The following COLGALT2 variants were observed in gnomAD, a reference collection of about 807,000 sequenced individuals.
COLGALT2 encodes procollagen galactosyltransferase 2.
A neutral mutation model predicts 73.4 loss-of-function variants in COLGALT2; 49 were observed. The observed-to-expected ratio is 0.67, with a 90% CI of 0.53 to 0.85. The LOEUF is 0.85. Ranked by LOEUF, COLGALT2 falls within the 40% of genes least tolerant of loss-of-function variation. COLGALT2 has a pLI of 0.00. For missense variants in COLGALT2, 722 were observed against 790.2 expected (o/e 0.91, Z 1.03); for synonymous variants, 295 against 307.6 (o/e 0.96, Z 0.43).
At chr1:183,939,197 C>A (rs1417794571) in intron 11 of COLGALT2, among the ~76,000 whole-genome samples, 160 bp from the exon 12 acceptor site, 1 of 152,308 alleles carries the variant, frequency 6.6e-6, no homozygotes, top group East Asian at 1.9e-4. Flanking sequence ...ACAAATATTT[C>A]TTTAAAAGCT....
chr1:184,023,621 C>A (rs898310398), intron 1 of COLGALT2, among the ~76,000 whole-genome samples: 1 of 116,054 alleles, frequency 8.6e-6, no homozygotes, highest in Non-Finnish European at 1.7e-5. Flanking sequence ...GCTGTTTTTG[C>A]TTTTTCCAAA....
rs999871223 is a variant in COLGALT2, at chr1:183,995,499, G to A, written c.264-16979C>T. Reference sequence around the variant, plus strand: ...GGGAGAGGAACAGGAGAAATCCCTAGGCAGCTTCCAGAGAGTTCTTCAAGC... The same window carrying A: ...GGGAGAGGAACAGGAGAAATCCCTAAGCAGCTTCCAGAGAGTTCTTCAAGC... On this transcript the variant is annotated intron_variant, in intron 1 of 11. Transcript: ENST00000361927. 2.0e-5 allele frequency among the ~76,000 whole-genome samples: 3 copies of A among 152,230 alleles called. No homozygotes were observed. In the East Asian group the frequency reaches 5.8e-4, roughly 29 times the overall value.
At chr1:183,973,585 T>C (rs770682932) in intron 4 of COLGALT2, 31 bp downstream of exon 4, 2 of 1,613,078 alleles carry the variant, frequency 1.2e-6, no homozygotes, top group South Asian at 2.2e-5. Context: ...TTAAAACTAG[T>C]AGCCTTAATT....
chr1:183,948,307 T>C (rs150256994), intron 8 of COLGALT2, among the ~76,000 whole-genome samples: 1 of 152,268 alleles, frequency 6.6e-6, no homozygotes, highest in African/African-American at 2.4e-5. Context: ...CTTATTAATA[T>C]AGATGTGGAA....
chr1:184,011,575 C>T (rs191615607), intron 1 of COLGALT2, among the ~76,000 whole-genome samples: 45 of 152,360 alleles, frequency 3.0e-4, no homozygotes, highest in Non-Finnish European at 5.9e-4. Flanking sequence ...GCAAACCCGG[C>T]TTCCTTGTTC....
chr1:183,943,903 CTAAG>C (rs779513419), intron 10 of COLGALT2, among the ~76,000 whole-genome samples: 9 of 152,320 alleles, frequency 5.9e-5, no homozygotes, highest in South Asian at 2.1e-4. Context: ...TGCTGTGCTC[CTAAG>C]TAAGTGCTCA....
Position 183,986,904 on chromosome 1 carries a change from A to C in COLGALT2, c.264-8384T>G, listed in dbSNP as rs898270042. 2.4e-4 allele frequency among the ~76,000 whole-genome samples: 37 copies of C among 151,896 alleles called. 1 individual carries two copies. Among genetic ancestry groups the C allele is most frequent in the Admixed American group, 1.3e-4 (2 of 15,240 alleles). On this transcript the variant is annotated intron_variant, in intron 1 of 11. Coordinates refer to ENST00000361927, the MANE Select transcript of COLGALT2 (RefSeq NM_015101.4). ...TCCATCCCTCAACACCCACCCTCCC[A>C]CTCCAGGCTCCCCACCACACCTGTC...
chr1:183,964,388 A>C, intron 5 of COLGALT2: 1 of 295,642 alleles, frequency 3.4e-6, no homozygotes, highest in East Asian at 5.5e-5. Flanking sequence ...AGGAAATAAC[A>C]AGAAAATGAG....
At chr1:183,990,355 C>G (rs1029874232) in intron 1 of COLGALT2, among the ~76,000 whole-genome samples, 16 of 152,212 alleles carry the variant, frequency 1.1e-4, no homozygotes, top group African/African-American at 3.6e-4. Flanking sequence ...AACACCTGTA[C>G]AGTTCCCTCA....
chr1:184,022,862 G>A (rs962610933), intron 1 of COLGALT2, among the ~76,000 whole-genome samples: 1 of 152,192 alleles, frequency 6.6e-6, no homozygotes, highest in Non-Finnish European at 1.5e-5. Context: ...GAGCCCTAGT[G>A]TTACCAATGC....
intron 6 of COLGALT2, among the ~76,000 whole-genome samples, chr1:183,957,493 T>C (rs1175139881): frequency 6.6e-6 from 1 of 152,244 alleles, no homozygotes; most frequent in African/African-American, 2.4e-5. Flanking sequence ...GATCAAATCC[T>C]ACCGCTTCTT....
chr1:183,930,245 T>C (rs1200849098), exon 12 of COLGALT2: 1 of 456,100 alleles, frequency 2.2e-6, no homozygotes, highest in South Asian at 1.5e-5. Flanking sequence ...TTGGCAGTCA[T>C]CAGAAAGTGT....
At chr1:184,024,946 G>A (rs1649288827) in intron 1 of COLGALT2, among the ~76,000 whole-genome samples, 2 of 152,234 alleles carry the variant, frequency 1.3e-5, no homozygotes, top group African/African-American at 4.8e-5. Flanking sequence ...GGGCTTGGAG[G>A]TTCCATGCTT....
chr1:184,025,914 G>T (rs1317569527), intron 1 of COLGALT2, among the ~76,000 whole-genome samples: 1 of 152,210 alleles, frequency 6.6e-6, no homozygotes. Context: ...GTTAGGTCAG[G>T]AAAGGACTCA....
At chr1:184,036,707 C>T (rs1649690413) in intron 1 of COLGALT2, among the ~76,000 whole-genome samples, 1 of 152,234 alleles carries the variant, frequency 6.6e-6, no homozygotes, top group African/African-American at 2.4e-5. Context: ...CCTATCCCCT[C>T]ACGTCAGGGC....
At chr1:183,976,319 T>G (rs901464729) in intron 2 of COLGALT2, among the ~76,000 whole-genome samples, 2 of 146,670 alleles carry the variant, frequency 1.4e-5, no homozygotes, top group Admixed American at 1.4e-4. Flanking sequence ...ATACAGTCCA[T>G]GGGCTTGGAT....
At position 183,936,906 on chromosome 1, in the gene COLGALT2, G is replaced by GGCCTTC; in HGVS notation, c.*1854_*1855insGAAGGC. 1 of 1,231,790 alleles carries GGCCTTC rather than the reference G, an allele frequency of 8.1e-7. No individual in the cohort carries two copies. Among genetic ancestry groups the GGCCTTC allele is most frequent in the South Asian group, 4.1e-5 (1 of 24,316 alleles). 76.3% of individuals were successfully genotyped at this position (1,231,790 alleles called of 1,614,324 possible). On this transcript the variant is annotated 3_prime_UTR_variant, in exon 12 of 12. Transcript: ENST00000361927. ...GGCCGAGGCTGGCGTCTGGTGGAAG[G>GGCCTTC]CAAGCTGCCTCTTGTCCTAAAGTGG...
rs1649717889 is a variant in COLGALT2, at chr1:184,037,229, CACCGGCTCCTCTCCGTCGTCCT to C, written c.107_128del (p.Glu36GlyfsTer64). On this transcript the variant is annotated frameshift_variant, in exon 1 of 12. Transcript: ENST00000361927. LOFTEE classifies it high-confidence loss of function. ...TCTGCAGGGGCGACTCCGGGAAAAC[CACCGGCTCCTCTCCGTCGTCCT>C]CCGAGTCCCGCTCGGCGACGAAGCG... 6.3e-7 allele frequency: 1 copy of C among 1,597,812 alleles called. No individual in the cohort carries two copies. Among genetic ancestry groups the C allele is most frequent in the Admixed American group, 1.7e-5 (1 of 58,452 alleles).
Position 183,936,889 on chromosome 1 carries a change from C to T in COLGALT2, c.*1872G>A, listed in dbSNP as rs1669969887. The T allele has an allele frequency of 8.1e-7, 1 of 1,231,750 alleles. No homozygotes were observed. The highest frequency in any genetic ancestry group is 1.5e-5 in the African/African-American group (1 of 64,536). The allele number at this position is 1,231,750 out of a possible 1,614,324, so 76.3% of individuals were successfully genotyped here. On this transcript the variant is annotated 3_prime_UTR_variant, in exon 12 of 12. Coordinates refer to ENST00000361927, the MANE Select transcript of COLGALT2 (RefSeq NM_015101.4). ...AGTGAGTCGGGAAGGAAGGCCGAGG[C>T]TGGCGTCTGGTGGAAGGCAAGCTGC...
Sources: allele counts gnomAD v4.1 joint callset (sites outside exome capture counted in the v4.1 genomes callset), GRCh38; gene constraint gnomAD v4.1.1; transcripts MANE v1.5; gene names NCBI Gene and HGNC (gene_info 2026-07-23, HGNC 2026-07-21).